The following MARK2 variants were observed in gnomAD, a reference collection of about 807,000 sequenced individuals.
MARK2 encodes microtubule affinity regulating kinase 2, also known as serine/threonine-protein kinase MARK2.
Under a neutral mutation model 89.8 loss-of-function variants are expected in MARK2, and 16 were observed. The observed-to-expected ratio is 0.18, with a 90% confidence interval of 0.12 to 0.27. The LOEUF is 0.27. Ranked by LOEUF, MARK2 falls within the 10% of genes least tolerant of loss-of-function variation. The pLI is 1.00. For synonymous variants in MARK2, 382 were observed against 399.5 expected (o/e 0.96, Z 0.52); for missense variants, 621 against 1,049.9 (o/e 0.59, Z 5.65).
intron 1 of MARK2, among the ~76,000 whole-genome samples, chr11:63,851,321 T>C (rs2016561892): frequency 6.6e-6 from 1 of 152,104 alleles, no homozygotes; most frequent in African/African-American, 2.4e-5. Context: ...TCAGAACTCA[T>C]GGAGATGCCA....
chr11:63,840,280 G>T (rs1449477055), intron 1 of MARK2, among the ~76,000 whole-genome samples: 1 of 152,128 alleles, frequency 6.6e-6, no homozygotes. Context: ...GCTGTCATGC[G>T]CATAGTTTTC....
At chr11:63,842,741 A>T (rs1367341879) in intron 1 of MARK2, among the ~76,000 whole-genome samples, 2 of 152,118 alleles carry the variant, frequency 1.3e-5, no homozygotes, top group Non-Finnish European at 2.9e-5. Context: ...CCTCCCCTAA[A>T]GGTCCTCTGT....
rs573070207 is a variant in MARK2 at position 63,906,173 on chromosome 11, G to C, written c.1961+59G>C. On this transcript the variant is annotated intron_variant, in intron 17 of 18. Coordinates refer to ENST00000402010, the MANE Select transcript of MARK2 (RefSeq NM_001039469.3). ...TGTGTGTGTCTGTGTCCTGTGTCCT[G>C]CCTCCATCACTAACTCCCCTTTTCT... 5.1e-5 allele frequency: 64 copies of C among 1,253,094 alleles called. 2 individuals are homozygous for C. The South Asian group carries it at 1.4e-3, about 27-fold the overall frequency. 77.6% of individuals were successfully genotyped at this position (1,253,094 alleles called of 1,614,324 possible).
Position 63,853,830 on chromosome 11 carries a change from A to T in MARK2, c.54+14270A>T, listed in dbSNP as rs930728765. Among the ~76,000 whole-genome samples the T allele has an allele frequency of 5.9e-5, 9 of 151,842 alleles. No homozygotes were observed. The East Asian group carries it at 1.4e-3, about 23-fold the overall frequency. On this transcript the variant is annotated intron_variant, in intron 1 of 18. Transcript: ENST00000402010. ...CTTGAATGAAGGATTAAAGACTATC[A>T]TTTTTTTTATTTACTTATTTATTTA...
intron 1 of MARK2, among the ~76,000 whole-genome samples, chr11:63,843,647 C>CA (rs998392082): frequency 1.3e-5 from 2 of 150,930 alleles, no homozygotes; most frequent in African/African-American, 4.9e-5. Flanking sequence ...TTTTTTGACA[C>CA]AGAGTCTTGC....
intron 1 of MARK2, among the ~76,000 whole-genome samples, chr11:63,845,108 T>C (rs1034011436): frequency 2.0e-5 from 3 of 152,158 alleles, no homozygotes; most frequent in Non-Finnish European, 2.9e-5. Flanking sequence ...CCTCAGCAGA[T>C]GGAAAGGGTG....
chr11:63,858,641 C>G (rs1565102226), intron 1 of MARK2, among the ~76,000 whole-genome samples: 1 of 152,218 alleles, frequency 6.6e-6, no homozygotes, highest in Non-Finnish European at 1.5e-5. Context: ...GCCTGAGCCA[C>G]TGTGCCTGGC....
chr11:63,898,126 GC>G (rs1940570012), intron 3 of MARK2, 105 bp from the exon 4 acceptor site: 1 of 892,636 alleles, frequency 1.1e-6, no homozygotes, highest in Non-Finnish European at 1.8e-6. Context: ...TCTTTTCCCT[GC>G]CCGGTTTTGG....
chr11:63,856,318 TTTG>T (rs1219893015), intron 1 of MARK2, among the ~76,000 whole-genome samples: 6 of 58,726 alleles, frequency 1.0e-4, no homozygotes, highest in African/African-American at 1.6e-4. Context: ...GTTTTTTTTT[TTTG>T]TTTTTTTTTT....
intron 1 of MARK2, among the ~76,000 whole-genome samples, chr11:63,871,329 G>A (rs535630032): frequency 6.6e-6 from 1 of 152,148 alleles, no homozygotes; most frequent in South Asian, 2.1e-4. Flanking sequence ...GTGTGCAGGT[G>A]TGGGTGAAGA....
intron 17 of MARK2, among the ~76,000 whole-genome samples, chr11:63,907,297 A>G (rs1941419865): frequency 6.6e-6 from 1 of 152,162 alleles, no homozygotes; most frequent in South Asian, 2.1e-4. Flanking sequence ...AAGGGGCCCC[A>G]GCAGGGGGCT....
intron 1 of MARK2, among the ~76,000 whole-genome samples, chr11:63,852,184 G>A (rs775026096): frequency 6.6e-6 from 1 of 152,108 alleles, no homozygotes; most frequent in Admixed American, 6.6e-5. Flanking sequence ...GTATTCTTGT[G>A]TTTTCTATAA....
Position 63,900,256 on chromosome 11 carries a change from G to T in MARK2, c.768+146G>T. On this transcript the variant is annotated intron_variant, in intron 8 of 18. Coordinates refer to ENST00000402010, the MANE Select transcript of MARK2 (RefSeq NM_001039469.3). The surrounding 1 kb of genome is among the most constrained non-coding windows in gnomAD (Gnocchi z 4.7). ...CTTGCTGAGGTAGCAGCAGTCAAAG[G>T]CCTTCTGCACCTGGGAATGAATAAC... The T allele has an allele frequency of 1.4e-6, 1 of 717,108 alleles. No individual in the cohort carries two copies. Among genetic ancestry groups the T allele is most frequent in the Non-Finnish European group, 2.4e-6 (1 of 410,982 alleles). 44.4% of individuals were successfully genotyped at this position (717,108 alleles called of 1,614,324 possible).
intron 1 of MARK2, chr11:63,890,404 C>T: frequency 2.0e-6 from 1 of 493,632 alleles, no homozygotes; most frequent in South Asian, 1.7e-5. Flanking sequence ...AGCACCAGTG[C>T]TTGTTGCTTC....
In MARK2 at chr11:63,895,652, C is replaced by A; in HGVS notation, c.288+19C>A. ...CCAGAAAGTAAGCACATGGCACCTC[C>A]TGTCCCTTTTTTTTTTTTTTTTTTT... On this transcript the variant is annotated intron_variant, in intron 3 of 18. Transcript: ENST00000402010. The A allele has an allele frequency of 6.6e-7, 1 of 1,520,070 alleles. No individual in the cohort carries two copies. Among genetic ancestry groups the A allele is most frequent in the Non-Finnish European group, 9.0e-7 (1 of 1,110,298 alleles). 94.2% of individuals were successfully genotyped at this position (1,520,070 alleles called of 1,614,324 possible). A position where few individuals can be genotyped will look rare whatever the true frequency, so the allele number is the denominator to read the frequency against.
At position 63,900,885 on chromosome 11, in the gene MARK2, G is replaced by A. The variant is rs2134216811; in HGVS notation, c.988+6G>A. The A allele has an allele frequency of 6.2e-7, 1 of 1,613,820 alleles. No individual in the cohort carries two copies. Among genetic ancestry groups the A allele is most frequent in the Non-Finnish European group, 8.5e-7 (1 of 1,179,656 alleles). ...CAAGGACCCCCGGCGGACAGGTGAG[G>A]CTGTGCCGGGCTGTGAGGTTAAGCT... On this transcript the variant is annotated splice_donor_region_variant and intron_variant, in intron 10 of 18. Coordinates refer to ENST00000402010, the MANE Select transcript of MARK2 (RefSeq NM_001039469.3). This position sits in a 1 kb window ranked among gnomAD's most constrained non-coding sequence, Gnocchi z 4.7.
At chr11:63,868,303 G>A (rs1591010861) in intron 1 of MARK2, among the ~76,000 whole-genome samples, 1 of 151,790 alleles carries the variant, frequency 6.6e-6, no homozygotes, top group African/African-American at 2.4e-5. Flanking sequence ...GAGGTGGGAG[G>A]ATTGCTTGAG....
At chr11:63,879,368 G>T (rs1938961291) in intron 1 of MARK2, among the ~76,000 whole-genome samples, 6 of 152,004 alleles carry the variant, frequency 3.9e-5, no homozygotes, top group Admixed American at 3.9e-4. Context: ...ACACAAGTAA[G>T]TTGTCCTCCT....
At chr11:63,863,511 C>T (rs940031844) in intron 1 of MARK2, among the ~76,000 whole-genome samples, 9 of 141,152 alleles carry the variant, frequency 6.4e-5, no homozygotes, top group Non-Finnish European at 1.1e-4. Context: ...GCCACCCAGG[C>T]TGGAGTGCAG....
Sources: gnomAD v4.1 joint callset for allele counts (sites outside exome capture counted in the v4.1 genomes callset) on GRCh38, gnomAD v4.1.1 for gene constraint, Gnocchi (gnomAD v3.1) non-coding constraint, MANE v1.5 for transcripts, NCBI Gene and HGNC (gene_info 2026-07-23, HGNC 2026-07-21) for gene names.